Variants in ZNF534 observed in about 807,000 individuals in gnomAD.
ZNF534 encodes the protein zinc finger protein 534, also known as KRAB domain only 3.
ZNF534 carries 19 observed loss-of-function variants against 13.6 expected under a neutral mutation model. That is an observed-to-expected ratio of 1.40 (90% CI 0.97 to 2.05). ZNF534 has a LOEUF of 2.05. ZNF534 is among the 30% of genes most tolerant of loss of function. ZNF534 has a pLI of 0.00. For synonymous variants in ZNF534, 244 were observed against 273.8 expected (o/e 0.89, Z 1.07); for missense variants, 782 against 796.3 (o/e 0.98, Z 0.22).
intron 2 of ZNF534, among the ~76,000 whole-genome samples, chr19:52,433,510 A>G (rs1021267144): frequency 1.6e-4 from 24 of 151,614 alleles, no homozygotes; most frequent in South Asian, 8.4e-4. Context: ...GGGACTACAG[A>G]CCCCCACCAC....
In ZNF534 at chr19:52,440,946, G is replaced by T. The variant is rs1287123199; in HGVS notation, c.*1500G>T. On this transcript the variant is annotated 3_prime_UTR_variant, in exon 5 of 5. Transcript: ENST00000433050. ...AACAAGAGTCTCGCTCTGATGCCCA[G>T]GCTGGAGTGCAGTGGTGTAATCTCA... Among the ~76,000 whole-genome samples the T allele has an allele frequency of 6.6e-6, 1 of 151,086 alleles. No homozygotes were observed. The highest frequency in any genetic ancestry group is 1.5e-5 in the Non-Finnish European group (1 of 67,894).
At chr19:52,430,883 C>T (rs1039797077) in intron 1 of ZNF534, among the ~76,000 whole-genome samples, 1 of 150,618 alleles carries the variant, frequency 6.6e-6, no homozygotes, top group African/African-American at 2.5e-5. Flanking sequence ...TGGAGTTTCA[C>T]CCTGTCACCC....
Position 52,439,520 on chromosome 19 carries a change from G to A in ZNF534, c.*74G>A, listed in dbSNP as rs2059157753. The A allele has an allele frequency of 7.4e-7, 1 of 1,352,676 alleles. No homozygotes were observed. The allele number at this position is 1,352,676 out of a possible 1,614,324, so 83.8% of individuals were successfully genotyped here. A position where few individuals can be genotyped will look rare whatever the true frequency, so the allele number is the denominator to read the frequency against. On this transcript the variant is annotated 3_prime_UTR_variant, in exon 5 of 5. Transcript: ENST00000433050. ...GCACTTTGGGAGTCCGAGGCAGGTG[G>A]ATCATGAGGTCAGGAGATTGAGACC...
chr19:52,447,146 A>G (rs1488926295), downstream of ZNF534, among the ~76,000 whole-genome samples: 6 of 152,294 alleles, frequency 3.9e-5, no homozygotes, highest in East Asian at 1.2e-3. Context: ...CCTTGTGATG[A>G]TATCACCTTT....
chr19:52,430,331 T>G (rs1568439914), intron 1 of ZNF534, among the ~76,000 whole-genome samples: 2 of 152,088 alleles, frequency 1.3e-5, no homozygotes, highest in Non-Finnish European at 2.9e-5. Flanking sequence ...GCTGACAATT[T>G]GGATATGCCA....
downstream of ZNF534, among the ~76,000 whole-genome samples, chr19:52,445,378 G>A (rs2059190971): frequency 6.6e-6 from 1 of 152,046 alleles, no homozygotes; most frequent in Admixed American, 6.5e-5. Flanking sequence ...TGTATTTTTT[G>A]TAGAGACGGG....
At chr19:52,436,139 C>T (rs1042362761) in intron 4 of ZNF534, among the ~76,000 whole-genome samples, 9 of 151,508 alleles carry the variant, frequency 5.9e-5, no homozygotes, top group Non-Finnish European at 7.4e-5. Context: ...GGGGTTTCAC[C>T]GTGTTAGCCA....
intron 3 of ZNF534, 72 bp from the exon 4 acceptor site, chr19:52,435,009 C>T (rs1019556087): frequency 1.1e-5 from 17 of 1,531,998 alleles, no homozygotes; most frequent in Non-Finnish European, 8.8e-7. Context: ...AATATGCTGT[C>T]TCCTACCTAA....
intron 4 of ZNF534, among the ~76,000 whole-genome samples, chr19:52,450,680 T>TTG (rs2059210611): frequency 3.1e-5 from 1 of 32,426 alleles, no homozygotes; most frequent in African/African-American, 9.6e-5. Flanking sequence ...GTTTTTTTTT[T>TTG]TTTTGTTTTT....
In ZNF534 at chr19:52,450,670, G is replaced by GTTTTTTTTTTTT. The variant is rs796423133; in HGVS notation, c.272-514_272-503dup. 5.3e-5 allele frequency among the ~76,000 whole-genome samples: 2 copies of GTTTTTTTTTTTT among 37,768 alleles called. 1 individual carries two copies. The allele number at this position is 37,768 out of a possible 152,430, so 24.8% of individuals were successfully genotyped here. A position where few individuals can be genotyped will look rare whatever the true frequency, so the allele number is the denominator to read the frequency against. ...CCGTAGTTCCCTATGAATTTTAGGA[G>GTTTTTTTTTTTT]TTTTTTTTTTTTTTGTTTTTGTTTT... On this transcript the variant is annotated intron_variant, in intron 4 of 4. Coordinates refer to the ZNF534 transcript ENST00000301085.
chr19:52,430,261 CTG>C (rs1184294820), intron 1 of ZNF534, among the ~76,000 whole-genome samples: 2 of 152,080 alleles, frequency 1.3e-5, no homozygotes, highest in Non-Finnish European at 2.9e-5. Flanking sequence ...GGTGATCCAC[CTG>C]CCTCGGCCTC....
rs1012371775 is a variant in ZNF534 at position 52,439,476 on chromosome 19, G to C, written c.*30G>C. 2 of 1,489,744 alleles carry C rather than the reference G, an allele frequency of 1.3e-6. No homozygotes were observed. Among genetic ancestry groups the C allele is most frequent in the African/African-American group, 2.8e-5 (2 of 71,058 alleles). 92.3% of individuals were successfully genotyped at this position (1,489,744 alleles called of 1,614,324 possible). On this transcript the variant is annotated 3_prime_UTR_variant, in exon 5 of 5. Coordinates refer to ENST00000433050, the MANE Select transcript of ZNF534 (RefSeq NM_001143938.3). ...TTAGTGAAGCTGGCAGGGCGCAGTG[G>C]CTCACGTCTGTAATCCCAGCACTTT...
chr19:52,433,749 A>T, intron 2 of ZNF534: 1 of 642,594 alleles, frequency 1.6e-6, no homozygotes, highest in Non-Finnish European at 2.8e-6. Context: ...TGAGACATCT[A>T]CTCTGATTTA....
rs1555747328 is a variant in ZNF534 at position 52,438,149 on chromosome 19, C to G, written c.689C>G (p.Ala230Gly). 3.8e-5 allele frequency: 62 copies of G among 1,613,914 alleles called. No individual in the cohort carries two copies. The South Asian group carries it at 6.0e-4, about 16-fold the overall frequency. The change falls in exon 5 of 5, where the codon GCA becomes GGA. Residue 230 changes from alanine to glycine, a missense_variant. By Grantham distance (60) the Ala-to-Gly change is moderately conservative. Coordinates refer to ENST00000433050, the MANE Select transcript of ZNF534 (RefSeq NM_001143938.3). Reference sequence around the variant, plus strand: ...ATCTTTAGTAGCAATTCAAACTTTGCACAACATCAACGAATCCATACTGGA... The same window carrying G: ...ATCTTTAGTAGCAATTCAAACTTTGGACAACATCAACGAATCCATACTGGA... ...GEIFSSNSNF[A>G]QHQRIHTGEK... is the part of the protein sequence containing the mutation.
intron 4 of ZNF534, among the ~76,000 whole-genome samples, chr19:52,435,951 TTTTTTG>T (rs2059126426): frequency 7.0e-6 from 1 of 142,820 alleles, no homozygotes; most frequent in African/African-American, 2.6e-5. Flanking sequence ...TTTTTTTTTT[TTTTTTG>T]AGACCGTCTC....
intron 2 of ZNF534, among the ~76,000 whole-genome samples, chr19:52,433,575 C>T (rs754185031): frequency 2.6e-5 from 4 of 152,174 alleles, no homozygotes; most frequent in Non-Finnish European, 5.9e-5. Flanking sequence ...ACCGTGTTGG[C>T]CAAGATGGTC....
chr19:52,451,279 GT>G lies in ZNF534; in HGVS notation c.365del (p.Val122GlyfsTer138). 1 of 1,033,798 alleles carries G rather than the reference GT, an allele frequency of 9.7e-7. No homozygotes were observed. Among genetic ancestry groups the G allele is most frequent in the Non-Finnish European group, 1.5e-6 (1 of 674,012 alleles). The allele number at this position is 1,033,798 out of a possible 1,614,324, so 64.0% of individuals were successfully genotyped here. A position where few individuals can be genotyped will look rare whatever the true frequency, so the allele number is the denominator to read the frequency against. ...TGAGGAGCCAACCGGCCCAAACTTT[GT>G]GGGAAATGACTCCCCTCTGCCCTCG... is the stretch of plus-strand genomic sequence containing the variant. On this transcript the variant is annotated frameshift_variant, in exon 5 of 5. Coordinates refer to the ZNF534 transcript ENST00000301085. LOFTEE classifies it low-confidence loss of function (END_TRUNC).
chr19:52,431,221 A>G (rs1415252051), intron 1 of ZNF534, among the ~76,000 whole-genome samples, 187 bp from the exon 2 acceptor site: 2 of 152,044 alleles, frequency 1.3e-5, no homozygotes, highest in Non-Finnish European at 2.9e-5. Flanking sequence ...GTCGCTCACC[A>G]TGAGACAGGA....
chr19:52,451,931 C>A, exon 5 of ZNF534: 4 of 438,128 alleles, frequency 9.1e-6, no homozygotes, highest in South Asian at 7.5e-5. Flanking sequence ...TTGGCTCTAC[C>A]GGAAAGAATT....
Sources: gnomAD v4.1 joint callset for allele counts (sites outside exome capture counted in the v4.1 genomes callset) on GRCh38, gnomAD v4.1.1 for gene constraint, MANE v1.5 for transcripts, NCBI Gene and HGNC (gene_info 2026-07-23, HGNC 2026-07-21) for gene names.